Variants in HNRNPF observed in about 807,000 individuals in gnomAD.
HNRNPF encodes heterogeneous nuclear ribonucleoprotein F.
A neutral mutation model predicts 26.0 loss-of-function variants in HNRNPF; 2 were observed. That is an observed-to-expected ratio of 0.08 (90% CI 0.03 to 0.24). The LOEUF (loss-of-function observed/expected upper bound fraction) is 0.24. Among genes scored for constraint, HNRNPF ranks in the 10% least tolerant of loss-of-function variants. The pLI is 1.00. For missense variants in HNRNPF, 299 were observed against 539.2 expected, an observed-to-expected ratio of 0.55 and a Z score of 4.41; for synonymous variants, 234 against 211.5, an observed-to-expected ratio of 1.11 and a Z score of -0.92.
At chr10:43,398,509 A>AT (rs1838644918) in intron 1 of HNRNPF, among the ~76,000 whole-genome samples, 1 of 149,348 alleles carries the variant, frequency 6.7e-6, no homozygotes, top group South Asian at 2.1e-4. Context: ...ACCCTGGCTA[A>AT]TTTTTGTATT....
At chr10:43,407,198 G>T (rs2131995267) in intron 1 of HNRNPF, among the ~76,000 whole-genome samples, 1 of 151,328 alleles carries the variant, frequency 6.6e-6, no homozygotes, top group South Asian at 2.1e-4. Context: ...TGACCCCGGC[G>T]CAGGGCCCGC....
intron 3 of HNRNPF, among the ~76,000 whole-genome samples, chr10:43,390,318 ACCATAC>A (rs1041186082): frequency 5.3e-5 from 8 of 152,072 alleles, no homozygotes; most frequent in Non-Finnish European, 8.8e-5. Context: ...TTTGTCTTTG[ACCATAC>A]CCTGGTCTTG....
chr10:43,395,316 T>C (rs1178734678), intron 2 of HNRNPF, among the ~76,000 whole-genome samples: 1 of 152,106 alleles, frequency 6.6e-6, no homozygotes, highest in African/African-American at 2.4e-5. Context: ...AAAAGACACT[T>C]TCAGTTTTAT....
chr10:43,394,370 G>C (rs911672746), intron 3 of HNRNPF, among the ~76,000 whole-genome samples: 2 of 152,204 alleles, frequency 1.3e-5, no homozygotes, highest in African/African-American at 4.8e-5. Flanking sequence ...AAGGCGAAGA[G>C]ACCATTCCTT....
chr10:43,398,292 G>A (rs1028031288), intron 1 of HNRNPF, among the ~76,000 whole-genome samples: 2 of 151,620 alleles, frequency 1.3e-5, no homozygotes, highest in Admixed American at 1.3e-4. Context: ...CCAAAGTACT[G>A]GGATTATAGG....
intron 1 of HNRNPF, among the ~76,000 whole-genome samples, chr10:43,406,005 A>G (rs1838906999): frequency 6.6e-6 from 1 of 152,144 alleles, no homozygotes; most frequent in Non-Finnish European, 1.5e-5. Flanking sequence ...GTCCCTGGAC[A>G]CATGACTTCT....
rs1161191791 is a variant in HNRNPF, at chr10:43,385,660, T to C, written c.*977A>G. 1 of 152,098 alleles carries C rather than the reference T, an allele frequency of 6.6e-6. No homozygotes were observed. Among genetic ancestry groups the C allele is most frequent in the Non-Finnish European group, 1.5e-5 (1 of 68,018 alleles). 9.4% of individuals were successfully genotyped at this position (152,098 alleles called of 1,614,324 possible). A position where few individuals can be genotyped will look rare whatever the true frequency, so the allele number is the denominator to read the frequency against. ...TTTATAAAAACTAGAAACAAAATAA[T>C]TGCTTTCACAATGTAGTACTTGAAA... On this transcript the variant is annotated 3_prime_UTR_variant, in exon 4 of 4. Transcript: ENST00000682386.
At chr10:43,408,741 C>T (rs1354266907) in intron 1 of HNRNPF, 1 of 139,214 alleles carries the variant, frequency 7.2e-6, no homozygotes. Context: ...GCCTCCGAGT[C>T]TCTACACTCC....
intron 1 of HNRNPF, among the ~76,000 whole-genome samples, chr10:43,407,450 TA>T (rs1476792486): frequency 4.0e-5 from 6 of 151,850 alleles, no homozygotes; most frequent in Admixed American, 3.3e-4. Flanking sequence ...CCCAGGCGCC[TA>T]GGGGGAGGGG....
intron 1 of HNRNPF, chr10:43,407,813 G>A (rs898342586): frequency 6.6e-6 from 1 of 152,204 alleles, no homozygotes; most frequent in Non-Finnish European, 1.5e-5. Context: ...TAAGGCTACG[G>A]GAACCGGGCG....
rs568968468 is a variant in HNRNPF, at chr10:43,398,456, C to T, written c.-246-1866G>A. The stretch of plus-strand genomic sequence containing the variant: ...CCCAGGTTCAAGCGATTCTCCTGGC[C>T]TCAACCTCCTGAGTAGCTGGGATTA... On this transcript the variant is annotated intron_variant, in intron 1 of 3. Coordinates refer to ENST00000682386, the MANE Select transcript of HNRNPF (RefSeq NM_001098204.2). 1.1e-3 allele frequency among the ~76,000 whole-genome samples: 166 copies of T among 151,790 alleles called. 1 individual carries two copies. The highest frequency in any genetic ancestry group is 1.7e-3 in the Non-Finnish European group (118 of 67,956).
intron 1 of HNRNPF, among the ~76,000 whole-genome samples, chr10:43,407,485 G>T (rs543354603): frequency 2.6e-5 from 4 of 152,254 alleles, no homozygotes; most frequent in Middle Eastern, 3.4e-3. Flanking sequence ...GGCGGCCTTG[G>T]GGGGAGGGCG....
chr10:43,388,178 T>C (rs954494274), intron 3 of HNRNPF, among the ~76,000 whole-genome samples: 1 of 152,176 alleles, frequency 6.6e-6, no homozygotes, highest in African/African-American at 2.4e-5. Flanking sequence ...AATGTAAGTT[T>C]CAGTCAGTTT....
intron 1 of HNRNPF, among the ~76,000 whole-genome samples, chr10:43,402,894 CTTTT>C (rs59258374): frequency 6.8e-6 from 1 of 147,720 alleles, no homozygotes; most frequent in Non-Finnish European, 1.5e-5. Context: ...ATTATGATGG[CTTTT>C]TTTTTTTAAA....
In HNRNPF at chr10:43,387,952, A is replaced by G; in HGVS notation, c.-52-16T>C. 1 of 1,309,002 alleles carries G rather than the reference A, an allele frequency of 7.6e-7. No homozygotes were observed. Among genetic ancestry groups the G allele is most frequent in the South Asian group, 1.4e-5 (1 of 69,718 alleles). The allele number at this position is 1,309,002 out of a possible 1,614,324, so 81.1% of individuals were successfully genotyped here. On this transcript the variant is annotated splice_polypyrimidine_tract_variant and intron_variant, in intron 3 of 3. Transcript: ENST00000682386. This position sits in a 1 kb window ranked among gnomAD's most constrained non-coding sequence, Gnocchi z 6.0. ...TTTTTTGTGGCTGGAAAAAAAAAAA[A>G]GAAAAATTTATTTAGTATGCAACAG...
intron 3 of HNRNPF, among the ~76,000 whole-genome samples, chr10:43,392,715 C>G (rs1459368674): frequency 6.6e-6 from 1 of 152,154 alleles, no homozygotes; most frequent in Non-Finnish European, 1.5e-5. Context: ...GTCTCTGAGT[C>G]CTTCCTTAAC....
Position 43,399,349 on chromosome 10 carries a change from G to A in HNRNPF, c.-246-2759C>T, listed in dbSNP as rs369509539. Reference sequence around the variant, plus strand: ...CTGATCCACCTTGGCCTCCCAAAGTGCTAGGATTATAGGTATAAGCCACTG... The same window carrying A: ...CTGATCCACCTTGGCCTCCCAAAGTACTAGGATTATAGGTATAAGCCACTG... On this transcript the variant is annotated intron_variant, in intron 1 of 3. Transcript: ENST00000682386. Among the ~76,000 whole-genome samples, 6 of 152,250 alleles carry A rather than the reference G, an allele frequency of 3.9e-5. No individual in the cohort carries two copies. The East Asian group carries it at 1.2e-3, about 29-fold the overall frequency.
At chr10:43,400,879 C>T (rs1005539285) in intron 1 of HNRNPF, among the ~76,000 whole-genome samples, 3 of 151,790 alleles carry the variant, frequency 2.0e-5, no homozygotes, top group East Asian at 1.9e-4. Flanking sequence ...GGGTGGATCA[C>T]GAGGTCAGGA....
intron 3 of HNRNPF, among the ~76,000 whole-genome samples, chr10:43,390,188 T>A (rs1347409264): frequency 1.3e-5 from 2 of 151,988 alleles, no homozygotes; most frequent in Non-Finnish European, 2.9e-5. Flanking sequence ...CCTTGGAGAG[T>A]CAGGGCAAGT....
Sources: gnomAD v4.1 joint callset for allele counts (sites outside exome capture counted in the v4.1 genomes callset) on GRCh38, gnomAD v4.1.1 for gene constraint, Gnocchi (gnomAD v3.1) non-coding constraint, MANE v1.5 for transcripts, NCBI Gene and HGNC (gene_info 2026-07-23, HGNC 2026-07-21) for gene names.